ZFPM2: variants seen among roughly 807,000 people sequenced by gnomAD.
ZFPM2 encodes the protein zinc finger protein, FOG family member 2.
A neutral mutation model predicts 98.6 loss-of-function variants in ZFPM2; 20 were observed. The observed-to-expected ratio is 0.20, with a 90% CI of 0.14 to 0.29. The LOEUF (loss-of-function observed/expected upper bound fraction) is 0.29. ZFPM2 is among the 10% of genes least tolerant of loss of function. The probability of loss-of-function intolerance (pLI) is 1.00; values close to 1 mark genes in which losing one functional copy is unlikely to be tolerated. For synonymous variants in ZFPM2, 518 were observed against 502.7 expected, an observed-to-expected ratio of 1.03 and a Z score of -0.41; for missense variants, 1,310 against 1,388.6, an observed-to-expected ratio of 0.94 and a Z score of 0.90.
intron 5 of ZFPM2, among the ~76,000 whole-genome samples, chr8:105,686,320 AT>A (rs575925932): frequency 7.9e-5 from 12 of 151,874 alleles, no homozygotes; most frequent in Non-Finnish European, 1.5e-4. Flanking sequence ...CATTTACTTG[AT>A]TTTTTTTAAT....
chr8:105,419,357 G>C lies in ZFPM2; in HGVS notation c.199+55G>C, dbSNP rs1811748338. On this transcript the variant is annotated intron_variant, in intron 2 of 7. Transcript: ENST00000407775. ...GAGTCCACTTAAATGATTTTGTAAT[G>C]TTTTAAAAAAATGCATAATAGTCCT... 5 of 1,557,812 alleles carry C rather than the reference G, an allele frequency of 3.2e-6. No individual in the cohort carries two copies. In the East Asian group the frequency reaches 9.1e-5, roughly 28 times the overall value.
intron 4 of ZFPM2, among the ~76,000 whole-genome samples, chr8:105,633,337 A>T (rs1425004691): frequency 3.3e-5 from 5 of 152,184 alleles, no homozygotes; most frequent in African/African-American, 1.2e-4. Context: ...GATGTTTGAT[A>T]TACAGAACAT....
chr8:105,351,387 G>T (rs866636402), intron 1 of ZFPM2, among the ~76,000 whole-genome samples: 2 of 133,528 alleles, frequency 1.5e-5, no homozygotes, highest in African/African-American at 5.1e-5. Context: ...GTGTGTTTGT[G>T]TGTGTGTGTG....
chr8:105,399,433 C>T (rs1392618330), intron 1 of ZFPM2, among the ~76,000 whole-genome samples: 6 of 152,022 alleles, frequency 3.9e-5, no homozygotes, highest in Non-Finnish European at 7.4e-5. Context: ...ATGATGGATT[C>T]GATGTGTGCC....
At chr8:105,755,747 A>G (rs1324301163) in intron 5 of ZFPM2, among the ~76,000 whole-genome samples, 1 of 152,130 alleles carries the variant, frequency 6.6e-6, no homozygotes, top group East Asian at 1.9e-4. Context: ...AAGGGTTTCT[A>G]ATTTTATAAC....
At chr8:105,543,638 TCTTTCATTTATTA>T in intron 3 of ZFPM2, among the ~76,000 whole-genome samples, 1 of 152,236 alleles carries the variant, frequency 6.6e-6, no homozygotes. Flanking sequence ...ATGTATCTTT[TCTTTCATTTATTA>T]CTTTCATGTC....
At chr8:105,752,488 C>G (rs940245310) in intron 5 of ZFPM2, among the ~76,000 whole-genome samples, 1 of 152,160 alleles carries the variant, frequency 6.6e-6, no homozygotes, top group Non-Finnish European at 1.5e-5. Flanking sequence ...TTGTCATAAA[C>G]AGGAAACAGT....
chr8:105,773,860 G>A (rs1412175812), intron 5 of ZFPM2, among the ~76,000 whole-genome samples: 2 of 151,766 alleles, frequency 1.3e-5, no homozygotes, highest in Non-Finnish European at 2.9e-5. Context: ...GACATGATAA[G>A]TCAACACAAT....
Position 105,529,579 on chromosome 8 carries a change from A to ATT in ZFPM2, c.302-31768_302-31767dup, listed in dbSNP as rs35183035. ...CTCTTCTAACAACACAACTCTCAGC[A>ATT]TTTTTTTTTTTTTTTTTGGAATTTC... is the stretch of plus-strand genomic sequence containing the variant. On this transcript the variant is annotated intron_variant, in intron 3 of 7. Transcript: ENST00000407775. 5.7e-3 allele frequency among the ~76,000 whole-genome samples: 779 copies of ATT among 136,648 alleles called. 5 individuals are homozygous for ATT. The highest frequency in any genetic ancestry group is 0.017 in the African/African-American group (611 of 36,958). 89.6% of individuals were successfully genotyped at this position (136,648 alleles called of 152,430 possible). A position where few individuals can be genotyped will look rare whatever the true frequency, so the allele number is the denominator to read the frequency against.
At chr8:105,381,479 C>T (rs964144844) in intron 1 of ZFPM2, among the ~76,000 whole-genome samples, 24 of 151,988 alleles carry the variant, frequency 1.6e-4, no homozygotes, top group Admixed American at 1.4e-3. Context: ...AACATCCTAT[C>T]CAGAGCAAAG....
rs545420342 is a variant in ZFPM2 at position 105,360,291 on chromosome 8, T to G, written c.40+41310T>G. Among the ~76,000 whole-genome samples the G allele has an allele frequency of 2.0e-5, 3 of 152,344 alleles. No individual in the cohort carries two copies. In the East Asian group the frequency reaches 5.8e-4, roughly 29 times the overall value. On this transcript the variant is annotated intron_variant, in intron 1 of 7. Coordinates refer to ENST00000407775, the MANE Select transcript of ZFPM2 (RefSeq NM_012082.4). ...ACTTTAAAAAGTATTCAGACATTTCTTGAGATCTTTAACTTTTTTGTTTGT... is the reference window on the plus strand; with the variant it reads ...ACTTTAAAAAGTATTCAGACATTTCGTGAGATCTTTAACTTTTTTGTTTGT...
At chr8:105,547,786 A>G (rs761010346) in intron 3 of ZFPM2, among the ~76,000 whole-genome samples, 1 of 152,076 alleles carries the variant, frequency 6.6e-6, no homozygotes, top group Non-Finnish European at 1.5e-5. Context: ...AGATGTTTTG[A>G]CAGATATACA....
intron 5 of ZFPM2, among the ~76,000 whole-genome samples, chr8:105,689,396 A>G: frequency 6.6e-6 from 1 of 152,240 alleles, no homozygotes; most frequent in South Asian, 2.1e-4. Flanking sequence ...ATTACAATAC[A>G]CTCCAGTTAA....
At chr8:105,445,040 A>G (rs1043723120) in intron 3 of ZFPM2, among the ~76,000 whole-genome samples, 2 of 152,230 alleles carry the variant, frequency 1.3e-5, no homozygotes, top group African/African-American at 2.4e-5. Flanking sequence ...GTATATTTAT[A>G]AATGGAGACT....
In ZFPM2 at chr8:105,802,881, A is replaced by T; in HGVS notation, c.2799A>T (p.Ser933=). The T allele has an allele frequency of 6.2e-7, 1 of 1,613,806 alleles. No homozygotes were observed. The highest frequency in any genetic ancestry group is 1.1e-5 in the South Asian group (1 of 91,024). The change falls in exon 8 of 8, where the codon TCA becomes TCT. Residue 933 remains serine, a synonymous_variant. Transcript: ENST00000407775. The stretch of plus-strand genomic sequence containing the variant: ...CTTCCCCCAATGGAAACTTATTTTC[A>T]TCCCACCTAGCAACCCTGCAAGGCT... ...KQPSPNGNLF[S]SHLATLQGLK... is the part of the protein sequence containing the mutation.
intron 2 of ZFPM2, among the ~76,000 whole-genome samples, chr8:105,425,340 C>A (rs1049043846): frequency 1.5e-4 from 23 of 152,178 alleles, no homozygotes; most frequent in Non-Finnish European, 3.2e-4. Context: ...AATGGGGAAG[C>A]TGTCAGGGGA....
chr8:105,407,360 A>G (rs1462511810), intron 1 of ZFPM2, among the ~76,000 whole-genome samples: 1 of 151,978 alleles, frequency 6.6e-6, no homozygotes, highest in Non-Finnish European at 1.5e-5. Context: ...TCAGAATTAC[A>G]ACAAAGAACA....
At chr8:105,660,249 A>G (rs1392887538) in intron 5 of ZFPM2, among the ~76,000 whole-genome samples, 1 of 152,140 alleles carries the variant, frequency 6.6e-6, no homozygotes, top group Admixed American at 6.5e-5. Flanking sequence ...GGTTCCTAAC[A>G]ACATCTGACA....
chr8:105,693,980 C>CTTTTTTTTTTTTTTT (rs376834507), intron 5 of ZFPM2, among the ~76,000 whole-genome samples: 15 of 118,414 alleles, frequency 1.3e-4, no homozygotes, highest in East Asian at 4.9e-4. Context: ...TTTTTCTTTT[C>CTTTTTTTTTTTTTTT]TTTTTTTTTT....
Sources: allele counts gnomAD v4.1 joint callset (sites outside exome capture counted in the v4.1 genomes callset), GRCh38; gene constraint gnomAD v4.1.1; transcripts MANE v1.5; gene names NCBI Gene and HGNC (gene_info 2026-07-23, HGNC 2026-07-21).